Variants in TRAPPC3L observed in about 807,000 individuals in gnomAD.
The protein encoded by TRAPPC3L is trafficking protein particle complex subunit 3-like protein.
Under a neutral mutation model 23.7 loss-of-function variants are expected in TRAPPC3L, and 23 were observed. The observed-to-expected ratio is 0.97, with a 90% CI of 0.70 to 1.37. The LOEUF (loss-of-function observed/expected upper bound fraction) is 1.37. Ranked by LOEUF, TRAPPC3L falls within the 40% of genes most tolerant of loss-of-function variation. The pLI is 0.00. For synonymous variants in TRAPPC3L, 81 were observed against 77.9 expected (o/e 1.04, Z -0.21); for missense variants, 212 against 216.8 (o/e 0.98, Z 0.14).
intron 3 of TRAPPC3L, chr6:116,517,284 C>T (rs2115170222): frequency 6.6e-6 from 1 of 152,284 alleles, no homozygotes; most frequent in South Asian, 2.1e-4. Context: ...TCTGGGGACA[C>T]TGTCCAAAGC....
At chr6:116,545,328 A>G in intron 1 of TRAPPC3L, 145 bp downstream of exon 1, 1 of 575,582 alleles carries the variant, frequency 1.7e-6, no homozygotes, top group Non-Finnish European at 3.0e-6. Context: ...TTATTCCTAG[A>G]TGTGTCATTT....
intron 3 of TRAPPC3L, among the ~76,000 whole-genome samples, chr6:116,512,797 A>G (rs1368380783): frequency 1.3e-5 from 2 of 152,184 alleles, no homozygotes; most frequent in South Asian, 4.1e-4. Context: ...TTTTCCTTGT[A>G]TGGTAGGAAT....
chr6:116,513,528 A>G (rs1772165303), intron 3 of TRAPPC3L, among the ~76,000 whole-genome samples: 1 of 152,160 alleles, frequency 6.6e-6, no homozygotes, highest in South Asian at 2.1e-4. Flanking sequence ...ACACAGGTAC[A>G]AGGAAATCTT....
intron 3 of TRAPPC3L, chr6:116,512,096 A>G: frequency 6.2e-7 from 1 of 1,614,072 alleles, no homozygotes; most frequent in Non-Finnish European, 8.5e-7. Context: ...CGGGACGAGA[A>G]GTTCAGGACT....
chr6:116,515,044 T>A (rs904948974), intron 3 of TRAPPC3L, among the ~76,000 whole-genome samples: 2 of 152,214 alleles, frequency 1.3e-5, no homozygotes, highest in Admixed American at 1.3e-4. Context: ...AGACAAATCA[T>A]TTTCAAGGTT....
chr6:116,540,999 G>T (rs1773415950), intron 2 of TRAPPC3L, among the ~76,000 whole-genome samples: 1 of 152,084 alleles, frequency 6.6e-6, no homozygotes, highest in Non-Finnish European at 1.5e-5. Flanking sequence ...AGACTCTGAA[G>T]TTTACTAAGT....
At chr6:116,519,754 G>A (rs1772295735) in intron 3 of TRAPPC3L, 2 of 152,132 alleles carry the variant, frequency 1.3e-5, no homozygotes, top group African/African-American at 2.4e-5. Flanking sequence ...CCCATACAAG[G>A]AATATACTCA....
chr6:116,512,138 G>C lies in TRAPPC3L; in HGVS notation c.241-11472C>G, dbSNP rs148045878. 38 of 1,613,854 alleles carry C rather than the reference G, an allele frequency of 2.4e-5. No homozygotes were observed. The African/African-American group carries it at 3.5e-4, about 15-fold the overall frequency. On this transcript the variant is annotated intron_variant, in intron 3 of 4. Transcript: ENST00000368602. ...ACTGATTTGCAAGGGTAAGCCCAAA[G>C]AGTGCTGGGAAGAACTTCACAAAGT... is the stretch of plus-strand genomic sequence containing the variant.
intron 3 of TRAPPC3L, chr6:116,517,273 G>T (rs906756821): frequency 2.0e-5 from 3 of 152,086 alleles, no homozygotes; most frequent in Non-Finnish European, 4.4e-5. Flanking sequence ...TTGGCTAAAG[G>T]TCTGGGGACA....
At chr6:116,530,687 C>A (rs924721766) in intron 3 of TRAPPC3L, among the ~76,000 whole-genome samples, 4 of 151,952 alleles carry the variant, frequency 2.6e-5, no homozygotes, top group African/African-American at 9.7e-5. Flanking sequence ...AGTGCAGAGT[C>A]ATTTTATTTT....
At chr6:116,509,432 C>A (rs1033748790) in intron 3 of TRAPPC3L, among the ~76,000 whole-genome samples, 2 of 152,156 alleles carry the variant, frequency 1.3e-5, no homozygotes, top group African/African-American at 4.8e-5. Context: ...ATCACATTAC[C>A]TGACTTCAAA....
chr6:116,506,609 C>T (rs370281033), intron 3 of TRAPPC3L, among the ~76,000 whole-genome samples: 19 of 152,264 alleles, frequency 1.2e-4, no homozygotes, highest in East Asian at 5.8e-4. Context: ...GACTTGGAAC[C>T]AACCCAAACG....
At chr6:116,498,607 T>G (rs555655119) in intron 4 of TRAPPC3L, among the ~76,000 whole-genome samples, 2 of 152,378 alleles carry the variant, frequency 1.3e-5, no homozygotes, top group East Asian at 3.9e-4. Context: ...TGTTGTTGGC[T>G]CACCAATCTA....
chr6:116,515,154 G>A (rs76288479), intron 3 of TRAPPC3L, among the ~76,000 whole-genome samples: 2 of 152,070 alleles, frequency 1.3e-5, no homozygotes, highest in Non-Finnish European at 2.9e-5. Context: ...AGTAATGACA[G>A]AAAAAAATTA....
At chr6:116,512,254 C>A (rs1583269533) in intron 3 of TRAPPC3L, 7 of 1,575,964 alleles carry the variant, frequency 4.4e-6, no homozygotes, top group African/African-American at 2.7e-5. Flanking sequence ...AAGACAAACT[C>A]GCCTTTTTCT....
At chr6:116,534,571 T>C (rs966688333) in intron 3 of TRAPPC3L, among the ~76,000 whole-genome samples, 2 of 152,106 alleles carry the variant, frequency 1.3e-5, no homozygotes, top group Non-Finnish European at 2.9e-5. Flanking sequence ...GGGAAAAAAA[T>C]TCCCCCTGCT....
chr6:116,515,542 C>G, intron 3 of TRAPPC3L: 1 of 1,517,572 alleles, frequency 6.6e-7, no homozygotes, highest in Non-Finnish European at 8.9e-7. Flanking sequence ...CAATAATACC[C>G]CAGCTCCCTA....
In TRAPPC3L at chr6:116,496,557, G is replaced by A. The variant is rs1206706525; in HGVS notation, c.*397C>T. 2 of 158,272 alleles carry A rather than the reference G, an allele frequency of 1.3e-5. No individual in the cohort carries two copies. Among genetic ancestry groups the A allele is most frequent in the Admixed American group, 1.3e-4 (2 of 15,340 alleles). The allele number at this position is 158,272 out of a possible 1,614,324, so 9.8% of individuals were successfully genotyped here. On this transcript the variant is annotated 3_prime_UTR_variant, in exon 5 of 5. Transcript: ENST00000368602. ...TCTAGAAACTACTGTCTATATATAG[G>A]AAACTCTATGCTATATCATTTCATT...
At chr6:116,528,526 C>A (rs931585739) in intron 3 of TRAPPC3L, among the ~76,000 whole-genome samples, 1 of 152,100 alleles carries the variant, frequency 6.6e-6, no homozygotes, top group Admixed American at 6.5e-5. Context: ...ATATTTCTGG[C>A]CCAAATTGTA....
Sources: gnomAD v4.1 joint callset for allele counts (sites outside exome capture counted in the v4.1 genomes callset) on GRCh38, gnomAD v4.1.1 for gene constraint, MANE v1.5 for transcripts, NCBI Gene and HGNC (gene_info 2026-07-23, HGNC 2026-07-21) for gene names.